EPHA3: variants seen among roughly 807,000 people sequenced by gnomAD.
EPHA3 encodes the protein ephrin type-A receptor 3.
A neutral mutation model predicts 107.1 loss-of-function variants in EPHA3; 42 were observed. That is an observed-to-expected ratio of 0.39 (90% CI 0.31 to 0.51). The LOEUF (loss-of-function observed/expected upper bound fraction) is 0.51, where lower values mean the gene tolerates loss of function less well. Among genes scored for constraint, EPHA3 ranks in the 20% least tolerant of loss-of-function variants. The pLI, the probability that EPHA3 is intolerant of heterozygous loss-of-function variation, is 0.78. For synonymous variants in EPHA3, 461 were observed against 424.8 expected (o/e 1.09, Z -1.05); for missense variants, 1,183 against 1,211.2 (o/e 0.98, Z 0.35).
chr3:89,261,890 C>G (rs754329022), intron 3 of EPHA3, among the ~76,000 whole-genome samples: 21 of 151,050 alleles, frequency 1.4e-4, no homozygotes, highest in Non-Finnish European at 3.0e-4. Context: ...AATTTTGCAC[C>G]AACCTAATAC....
Position 89,391,494 on chromosome 3 carries a change from G to A in EPHA3, c.1307-4343G>A, listed in dbSNP as rs536678478. Reference sequence around the variant, plus strand: ...GGGTGCAGTGGCGTGATCTCGACTCGATGCAAGCCTGCAAGCTCTGCCTCC... The same window carrying A: ...GGGTGCAGTGGCGTGATCTCGACTCAATGCAAGCCTGCAAGCTCTGCCTCC... On this transcript the variant is annotated intron_variant, in intron 5 of 16. Transcript: ENST00000336596. 3.1e-3 allele frequency among the ~76,000 whole-genome samples: 427 copies of A among 138,454 alleles called. 2 individuals carry two copies. Among genetic ancestry groups the A allele is most frequent in the African/African-American group, 0.011 (413 of 36,166 alleles). The allele number at this position is 138,454 out of a possible 152,430, so 90.8% of individuals were successfully genotyped here. A position where few individuals can be genotyped will look rare whatever the true frequency, so the allele number is the denominator to read the frequency against.
At chr3:89,126,372 G>T (rs753114580) in intron 1 of EPHA3, among the ~76,000 whole-genome samples, 2 of 151,558 alleles carry the variant, frequency 1.3e-5, no homozygotes, top group Non-Finnish European at 3.0e-5. Context: ...AAATGCTGTT[G>T]TATATTTTAT....
chr3:89,193,593 C>T (rs10865636), intron 2 of EPHA3, among the ~76,000 whole-genome samples: 34,953 of 151,474 alleles, frequency 0.23, 4,139 homozygotes, highest in Middle Eastern at 0.33. Flanking sequence ...TGAACATTTC[C>T]AACAGAAAGA....
chr3:89,219,474 T>C (rs1333618452), intron 3 of EPHA3, among the ~76,000 whole-genome samples: 1 of 151,734 alleles, frequency 6.6e-6, no homozygotes, highest in Non-Finnish European at 1.5e-5. Context: ...CCCACAACAA[T>C]TTATGAGTGT....
At chr3:89,197,411 A>G (rs1576222195) in intron 2 of EPHA3, among the ~76,000 whole-genome samples, 2 of 1,160 alleles carry the variant, frequency 1.7e-3, no homozygotes, top group Non-Finnish European at 4.4e-3. Flanking sequence ...ATAAAAACAT[A>G]AAAAAAAACA....
intron 3 of EPHA3, among the ~76,000 whole-genome samples, chr3:89,274,953 C>T (rs1023576059): frequency 3.3e-5 from 5 of 151,966 alleles, no homozygotes; most frequent in African/African-American, 4.8e-5. Flanking sequence ...ATATGTCAGG[C>T]ATGTCATTTT....
intron 15 of EPHA3, among the ~76,000 whole-genome samples, chr3:89,453,967 G>A (rs1464124634): frequency 5.9e-5 from 9 of 151,916 alleles, no homozygotes; most frequent in Admixed American, 1.3e-4. Flanking sequence ...TCTCTCTTCT[G>A]CATATCCAGG....
intron 13 of EPHA3, among the ~76,000 whole-genome samples, chr3:89,436,020 G>T (rs1448992055): frequency 1.3e-5 from 2 of 151,604 alleles, no homozygotes; most frequent in South Asian, 4.2e-4. Flanking sequence ...GCTCACCTGT[G>T]GTCCCAACTA....
intron 2 of EPHA3, among the ~76,000 whole-genome samples, chr3:89,138,710 G>A (rs1704366379): frequency 6.6e-6 from 1 of 151,826 alleles, no homozygotes; most frequent in African/African-American, 2.4e-5. Context: ...GACCTAGAAT[G>A]AGCCTTTTAT....
At chr3:89,160,526 CAGAGA>C (rs1338154815) in intron 2 of EPHA3, among the ~76,000 whole-genome samples, 2 of 144,904 alleles carry the variant, frequency 1.4e-5, no homozygotes, top group African/African-American at 5.1e-5. Context: ...TTCCACAAGT[CAGAGA>C]AAAGTAATAT....
chr3:89,208,423 G>GAAGGAAGGAAGGAAGGAAGGAAGGAAGA (rs74193305), intron 2 of EPHA3, among the ~76,000 whole-genome samples: 2 of 37,538 alleles, frequency 5.3e-5, no homozygotes, highest in Admixed American at 3.8e-4. Context: ...AGGAAGGAAG[G>GAAGGAAGGAAGGAAGGAAGGAAGGAAGA]AAGAAAGAAA....
At chr3:89,244,915 A>G (rs1704996686) in intron 3 of EPHA3, among the ~76,000 whole-genome samples, 1 of 152,204 alleles carries the variant, frequency 6.6e-6, no homozygotes. Flanking sequence ...TTCTGGGCAA[A>G]GTTCAATTGC....
chr3:89,398,164 GC>G (rs1708887806), intron 6 of EPHA3, among the ~76,000 whole-genome samples: 1 of 152,082 alleles, frequency 6.6e-6, no homozygotes, highest in Admixed American at 6.5e-5. Context: ...GTAATGTATG[GC>G]ATGTTTTCTG....
At chr3:89,458,115 G>A (rs1374426873) in intron 15 of EPHA3, among the ~76,000 whole-genome samples, 4 of 152,202 alleles carry the variant, frequency 2.6e-5, no homozygotes, top group African/African-American at 9.7e-5. Flanking sequence ...TATGTAACAA[G>A]GTGTAGTGGC....
intron 5 of EPHA3, among the ~76,000 whole-genome samples, chr3:89,355,882 T>G (rs926925325): frequency 6.7e-6 from 1 of 150,374 alleles, no homozygotes; most frequent in Non-Finnish European, 1.5e-5. Flanking sequence ...GTGAACAATG[T>G]GCAGATTAGT....
chr3:89,381,386 T>TC (rs1708504014), intron 5 of EPHA3, among the ~76,000 whole-genome samples: 1 of 151,922 alleles, frequency 6.6e-6, no homozygotes, highest in South Asian at 2.1e-4. Context: ...AACCCAATCA[T>TC]CAGCGTGGTA....
At chr3:89,132,320 G>C (rs1419417439) in intron 2 of EPHA3, among the ~76,000 whole-genome samples, 3 of 152,120 alleles carry the variant, frequency 2.0e-5, no homozygotes, top group African/African-American at 4.8e-5. Context: ...TGTTTTTCAT[G>C]CTTTCAAATA....
At chr3:89,467,335 A>G (rs922315997) in intron 15 of EPHA3, among the ~76,000 whole-genome samples, 3 of 152,198 alleles carry the variant, frequency 2.0e-5, no homozygotes, top group African/African-American at 7.2e-5. Flanking sequence ...GTATTTCCTG[A>G]AACTATTCAC....
chr3:89,313,864 A>G (rs575333332), intron 3 of EPHA3, among the ~76,000 whole-genome samples: 10 of 152,136 alleles, frequency 6.6e-5, no homozygotes, highest in Non-Finnish European at 1.5e-4. Context: ...CAGCAGTAAA[A>G]TAAAAAGAAA....
Sources: gnomAD v4.1 joint callset for allele counts (sites outside exome capture counted in the v4.1 genomes callset) on GRCh38, gnomAD v4.1.1 for gene constraint, MANE v1.5 for transcripts, NCBI Gene and HGNC (gene_info 2026-07-23, HGNC 2026-07-21) for gene names.